SH3GL2: variants seen among roughly 807,000 people sequenced by gnomAD.
SH3GL2 encodes SH3 domain containing GRB2 like 2, endophilin A1.
In SH3GL2, 24 loss-of-function variants were observed where a neutral mutation model predicts 46.0. The ratio of observed to expected loss-of-function variants is 0.52; its 90% CI spans 0.38 to 0.73. SH3GL2 has a LOEUF of 0.73. Ranked by LOEUF, SH3GL2 falls within the 30% of genes least tolerant of loss-of-function variation. SH3GL2 has a pLI of 0.00. For missense variants in SH3GL2, 413 were observed against 424.2 expected, an observed-to-expected ratio of 0.97 and a Z score of 0.23; for synonymous variants, 196 against 147.1, an observed-to-expected ratio of 1.33 and a Z score of -2.40.
At chr9:17,713,272 T>C (rs560608176) in intron 1 of SH3GL2, among the ~76,000 whole-genome samples, 4 of 151,786 alleles carry the variant, frequency 2.6e-5, no homozygotes, top group East Asian at 3.9e-4. Context: ...ATTTGTAATA[T>C]TGATAATTTA....
chr9:17,760,800 A>G (rs905025645), intron 2 of SH3GL2, among the ~76,000 whole-genome samples: 3 of 152,154 alleles, frequency 2.0e-5, no homozygotes, highest in African/African-American at 7.2e-5. Context: ...ACCTTCCATG[A>G]CCTCTTTCAA....
At chr9:17,773,257 G>C (rs1413068509) in intron 3 of SH3GL2, among the ~76,000 whole-genome samples, 1 of 152,078 alleles carries the variant, frequency 6.6e-6, no homozygotes, top group Non-Finnish European at 1.5e-5. Context: ...CCATTCTGTG[G>C]GTTGCCTTTT....
intron 2 of SH3GL2, among the ~76,000 whole-genome samples, chr9:17,756,762 T>C (rs549487087): frequency 6.6e-6 from 1 of 152,074 alleles, no homozygotes; most frequent in South Asian, 2.1e-4. Context: ...TCTTTGCTGT[T>C]GTGAATAGTG....
intron 2 of SH3GL2, among the ~76,000 whole-genome samples, chr9:17,748,241 A>G (rs558207715): frequency 7.2e-5 from 11 of 152,180 alleles, no homozygotes; most frequent in Non-Finnish European, 1.6e-4. Flanking sequence ...TACATTGTGC[A>G]CAGAAACATT....
At chr9:17,789,363 A>T (rs751689482) in intron 5 of SH3GL2, 29 bp from the exon 6 acceptor site, 1 of 1,605,622 alleles carries the variant, frequency 6.2e-7, no homozygotes, top group East Asian at 2.2e-5. Flanking sequence ...AGCCCTTTCA[A>T]AGCCTATTCC....
chr9:17,789,242 A>T, intron 5 of SH3GL2, 150 bp from the exon 6 acceptor site: 2 of 608,770 alleles, frequency 3.3e-6, no homozygotes, highest in South Asian at 4.3e-5. Context: ...GGCCCCATTG[A>T]TGCATGTTTC....
rs142162229 is a variant in SH3GL2 at position 17,789,649 on chromosome 9, A to G, written c.624+99A>G. On this transcript the variant is annotated intron_variant, in intron 6 of 8. Transcript: ENST00000380607. ...CTTAAAAGCATTAATATCTGATTAC[A>G]CTATGTGATAAGAACTTCAGTAGAT... The G allele has an allele frequency of 2.7e-4, 415 of 1,537,034 alleles. 3 individuals are homozygous for G. In the African/African-American group the frequency reaches 2.8e-3, roughly 10 times the overall value.
At chr9:17,636,965 T>G (rs1267888597) in intron 1 of SH3GL2, among the ~76,000 whole-genome samples, 2 of 152,226 alleles carry the variant, frequency 1.3e-5, no homozygotes, top group African/African-American at 4.8e-5. Context: ...ATTGCTAAAT[T>G]TTCTTACAAT....
intron 1 of SH3GL2, among the ~76,000 whole-genome samples, chr9:17,606,734 G>T (rs543154942): frequency 5.3e-5 from 8 of 152,138 alleles, no homozygotes; most frequent in Non-Finnish European, 1.2e-4. Context: ...TGCTAAATTA[G>T]GGGAGTAAAG....
chr9:17,628,236 A>G (rs1013231584), intron 1 of SH3GL2, among the ~76,000 whole-genome samples: 1 of 152,214 alleles, frequency 6.6e-6, no homozygotes, highest in African/African-American at 2.4e-5. Context: ...GTGGGCATTC[A>G]TGAAGTATCT....
At chr9:17,761,309 C>T (rs536400470) in intron 2 of SH3GL2, 128 bp from the exon 3 acceptor site, 80 of 676,968 alleles carry the variant, frequency 1.2e-4, no homozygotes, top group African/African-American at 9.9e-4. Context: ...TCTCAGCCTC[C>T]CTCACCTACT....
At chr9:17,626,393 C>G (rs540239320) in intron 1 of SH3GL2, among the ~76,000 whole-genome samples, 83 of 152,332 alleles carry the variant, frequency 5.4e-4, no homozygotes, top group African/African-American at 1.9e-3. Context: ...TTCTAGAAGC[C>G]TCGCTGGGCC....
At chr9:17,645,392 G>C (rs774164583) in intron 1 of SH3GL2, among the ~76,000 whole-genome samples, 6 of 152,002 alleles carry the variant, frequency 3.9e-5, no homozygotes, top group Non-Finnish European at 7.4e-5. Context: ...ATATTCTTAT[G>C]TGTGAATTTG....
At chr9:17,620,273 T>C (rs1482202755) in intron 1 of SH3GL2, among the ~76,000 whole-genome samples, 1 of 152,162 alleles carries the variant, frequency 6.6e-6, no homozygotes, top group Non-Finnish European at 1.5e-5. Flanking sequence ...AGTAAACATT[T>C]ATGGAGGATC....
At chr9:17,614,184 C>T (rs369954865) in intron 1 of SH3GL2, among the ~76,000 whole-genome samples, 8 of 148,824 alleles carry the variant, frequency 5.4e-5, no homozygotes, top group African/African-American at 1.5e-4. Flanking sequence ...CTGTAAATTG[C>T]TGATCATTCT....
At chr9:17,717,856 A>AT (rs1449208888) in intron 1 of SH3GL2, among the ~76,000 whole-genome samples, 20 of 151,894 alleles carry the variant, frequency 1.3e-4, no homozygotes, top group Admixed American at 1.3e-3. Context: ...CATACCCATT[A>AT]TTTTTTTCTG....
chr9:17,678,277 C>T (rs951099484), intron 1 of SH3GL2, among the ~76,000 whole-genome samples: 2 of 152,084 alleles, frequency 1.3e-5, no homozygotes, highest in Non-Finnish European at 2.9e-5. Flanking sequence ...CCTATTTCTC[C>T]ACATCCTCTC....
intron 1 of SH3GL2, among the ~76,000 whole-genome samples, chr9:17,608,352 T>C (rs552281294): frequency 3.3e-5 from 5 of 152,132 alleles, no homozygotes; most frequent in Admixed American, 6.6e-5. Context: ...TTCACCGTGT[T>C]AGCCGGGATG....
At chr9:17,623,144 A>G (rs1819196033) in intron 1 of SH3GL2, among the ~76,000 whole-genome samples, 1 of 143,096 alleles carries the variant, frequency 7.0e-6, no homozygotes, top group African/African-American at 2.7e-5. Context: ...GGGTGAAATA[A>G]AGCCCTGGTT....
Sources: gnomAD v4.1 joint callset for allele counts (sites outside exome capture counted in the v4.1 genomes callset) on GRCh38, gnomAD v4.1.1 for gene constraint, MANE v1.5 for transcripts, NCBI Gene and HGNC (gene_info 2026-07-23, HGNC 2026-07-21) for gene names.